P3H1: variants seen among roughly 807,000 people sequenced by gnomAD.
P3H1 encodes growth suppressor 1.
A neutral mutation model predicts 84.0 loss-of-function variants in P3H1; 69 were observed. The observed-to-expected ratio is 0.82, with a 90% CI of 0.68 to 1.00. The LOEUF (loss-of-function observed/expected upper bound fraction) is 1.00, where lower values mean the gene tolerates loss of function less well. Ranked by LOEUF, P3H1 falls within the 50% of genes least tolerant of loss-of-function variation. P3H1 has a pLI of 0.00. For synonymous variants in P3H1, 366 were observed against 388.8 expected, an observed-to-expected ratio of 0.94 and a Z score of 0.69; for missense variants, 878 against 962.8, an observed-to-expected ratio of 0.91 and a Z score of 1.17.
chr1:42,747,623 G>T, intron 13 of P3H1, 100 bp downstream of exon 13: 1 of 1,358,388 alleles, frequency 7.4e-7, no homozygotes, highest in Non-Finnish European at 1.1e-6. Context: ...CCGCCCACTG[G>T]GAAGCCCAGT....
intron 1 of P3H1, among the ~76,000 whole-genome samples, chr1:42,763,277 G>A (rs1195079943): frequency 6.6e-6 from 1 of 151,962 alleles, no homozygotes; most frequent in African/African-American, 2.4e-5. Context: ...TAGGGAAAAG[G>A]TGGATGGCTA....
chr1:42,751,881 A>C (rs1038340373), intron 10 of P3H1: 7 of 327,542 alleles, frequency 2.1e-5, no homozygotes, highest in African/African-American at 6.4e-5. Context: ...CCACGTCCCC[A>C]CACCCCCACT....
At chr1:42,750,417 A>G in intron 10 of P3H1, 81 bp from the exon 11 acceptor site, 5 of 1,506,066 alleles carry the variant, frequency 3.3e-6, no homozygotes, top group Non-Finnish European at 3.7e-6. Flanking sequence ...CTTATCTTGT[A>G]GTTCCCATAA....
At chr1:42,766,016 CG>C (rs761446817) in intron 1 of P3H1, among the ~76,000 whole-genome samples, 2,620 of 35,136 alleles carry the variant, frequency 0.075, 108 homozygotes, top group African/African-American at 0.096. Context: ...GTCCCCCCCC[CG>C]CCCCCACACA....
chr1:42,747,514 T>G, intron 13 of P3H1, 102 bp from the exon 14 acceptor site: 4 of 1,238,890 alleles, frequency 3.2e-6, no homozygotes, highest in Non-Finnish European at 4.7e-6. Context: ...AGGGCAGCTC[T>G]TCAGTATGGC....
intron 11 of P3H1, chr1:42,749,765 GT>G: frequency 5.3e-6 from 1 of 190,286 alleles, no homozygotes; most frequent in Non-Finnish European, 1.1e-5. Flanking sequence ...TTTTGTTGTT[GT>G]TGTTGTTGTT....
intron 4 of P3H1, among the ~76,000 whole-genome samples, chr1:42,758,196 C>T (rs1652507014): frequency 6.6e-6 from 1 of 152,192 alleles, no homozygotes; most frequent in African/African-American, 2.4e-5. Context: ...CTCTGCATGC[C>T]CACATCTTTT....
chr1:42,747,181 G>A, intron 14 of P3H1, 91 bp downstream of exon 14: 1 of 1,614,200 alleles, frequency 6.2e-7, no homozygotes, highest in South Asian at 1.1e-5. Context: ...CACTGGCAAT[G>A]GGATTTGGGG....
At chr1:42,760,285 A>T (rs1652638961) in intron 2 of P3H1, 1 of 151,938 alleles carries the variant, frequency 6.6e-6, no homozygotes, top group Non-Finnish European at 1.5e-5. Context: ...TGCCTGGCCT[A>T]GGTTCTTGCA....
rs1652576962 is a variant in P3H1 at position 42,759,333 on chromosome 1, G to T, written c.676C>A (p.Pro226Thr). 3.1e-6 allele frequency: 5 copies of T among 1,614,040 alleles called. No homozygotes were observed. Among genetic ancestry groups the T allele is most frequent in the Admixed American group, 1.7e-5 (1 of 60,008 alleles). The change falls in exon 3 of 15, where the codon CCC becomes ACC. Residue 226 changes from proline to threonine, a missense_variant. Transcript: ENST00000296388. ...YSEEQPQEAV[P>T]HLEAALQEYF... ...TCTTGCAGCGCCGCCTCTAGGTGGG[G>T]CACAGCTTCCTGTGGCTGTTCCTCT...
In P3H1 at chr1:42,747,970, G is replaced by A. The variant is rs538446033; in HGVS notation, c.1839-172C>T. Among the ~76,000 whole-genome samples the A allele has an allele frequency of 3.9e-5, 6 of 152,128 alleles. 1 individual carries two copies. The highest frequency in any genetic ancestry group is 1.4e-4 in the African/African-American group (6 of 41,484). ...CTCCACCTTTCCACTCTCCACCCTC[G>A]CCTTAGAGTCCCCTGTGCCCACTCA... On this transcript the variant is annotated intron_variant, in intron 12 of 14. Coordinates refer to ENST00000296388, the MANE Select transcript of P3H1 (RefSeq NM_022356.4).
chr1:42,746,980 G>C (rs761802900), intron 14 of P3H1, 128 bp from the exon 15 acceptor site: 26 of 1,614,032 alleles, frequency 1.6e-5, no homozygotes, highest in Admixed American at 3.3e-5. Context: ...TTCCCAGCAG[G>C]TCCTACTCTC....
At chr1:42,759,722 T>C (rs973635614) in intron 2 of P3H1, among the ~76,000 whole-genome samples, 1 of 151,882 alleles carries the variant, frequency 6.6e-6, no homozygotes. Context: ...GCCTCCCTAG[T>C]AGCTGGGATT....
intron 10 of P3H1, 148 bp downstream of exon 10, chr1:42,752,126 A>T (rs867909558): frequency 2.7e-6 from 2 of 731,110 alleles, no homozygotes; most frequent in Middle Eastern, 2.9e-4. Flanking sequence ...ACGCAACATA[A>T]CTCATCCTCG....
chr1:42,763,528 T>A (rs983786843), intron 1 of P3H1, among the ~76,000 whole-genome samples: 1 of 151,208 alleles, frequency 6.6e-6, no homozygotes, highest in Non-Finnish European at 1.5e-5. Context: ...AAAAATTAGC[T>A]GGGCGTTGTG....
intron 14 of P3H1, 135 bp downstream of exon 14, chr1:42,747,137 G>A: frequency 6.2e-7 from 1 of 1,614,204 alleles, no homozygotes; most frequent in East Asian, 2.2e-5. Context: ...GGGCGTTGGA[G>A]CTGGTGTCCC....
chr1:42,747,325 GC>G lies in P3H1; in HGVS notation c.2001del (p.Gln668SerfsTer27). 6.2e-7 allele frequency: 1 copy of G among 1,610,864 alleles called. No homozygotes were observed. Among genetic ancestry groups the G allele is most frequent in the Non-Finnish European group, 8.5e-7 (1 of 1,177,706 alleles). ...AACCACAGGGCGATGGCACAGCGCT[GC>G]CCCCTGGTGACAGCCTTCACTCCAT... Reference protein sequence around the residue: ...NPHGVKAVTRGQRCAIALWFT... With the variant: ...NPHGVKAVTRXQRCAIALWFT... On this transcript the variant is annotated frameshift_variant, in exon 14 of 15. Coordinates refer to ENST00000296388, the MANE Select transcript of P3H1 (RefSeq NM_022356.4). LOFTEE classifies it high-confidence loss of function.
chr1:42,754,809 G>T lies in P3H1; in HGVS notation c.1345+60C>A. The T allele has an allele frequency of 6.2e-7, 1 of 1,611,482 alleles. No individual in the cohort carries two copies. Among genetic ancestry groups the T allele is most frequent in the Non-Finnish European group, 8.5e-7 (1 of 1,178,210 alleles). ...GGGTGGAGCGCTGCCTGGCAAATGT[G>T]GGGTGACCTGCCTGGCTCCCTGACA... On this transcript the variant is annotated intron_variant, in intron 8 of 14. Transcript: ENST00000296388. The surrounding 1 kb of genome is among the most constrained non-coding windows in gnomAD (Gnocchi z 4.0).
chr1:42,763,891 T>C (rs1652853898), intron 1 of P3H1, among the ~76,000 whole-genome samples: 1 of 151,934 alleles, frequency 6.6e-6, no homozygotes, highest in South Asian at 2.1e-4. Flanking sequence ...ACGCCTATAA[T>C]CCCAGCACTT....
Sources: allele counts gnomAD v4.1 joint callset (sites outside exome capture counted in the v4.1 genomes callset), GRCh38; gene constraint gnomAD v4.1.1; non-coding constraint Gnocchi (gnomAD v3.1); transcripts MANE v1.5; gene names NCBI Gene and HGNC (gene_info 2026-07-23, HGNC 2026-07-21).